Variants in CD38 observed in about 807,000 individuals in gnomAD.
CD38 encodes ADP-ribosyl cyclase/cyclic ADP-ribose hydrolase 1.
CD38 carries 31 observed loss-of-function variants against 36.3 expected under a neutral mutation model. That is an observed-to-expected ratio of 0.85 (90% CI 0.64 to 1.15). CD38 has a LOEUF of 1.15. Ranked by LOEUF, CD38 falls within the 50% of genes most tolerant of loss-of-function variation. CD38 has a pLI of 0.00. For synonymous variants in CD38, 131 were observed against 135.2 expected (o/e 0.97, Z 0.22); for missense variants, 380 against 371.9 (o/e 1.02, Z -0.18).
At chr4:15,791,164 G>A (rs1722975571) in intron 1 of CD38, among the ~76,000 whole-genome samples, 1 of 113,484 alleles carries the variant, frequency 8.8e-6, no homozygotes. Context: ...GCCCCGTCCG[G>A]GAGGGAGGTG....
intron 1 of CD38, among the ~76,000 whole-genome samples, chr4:15,790,129 C>CTT: frequency 4.7e-5 from 2 of 42,714 alleles, no homozygotes; most frequent in Non-Finnish European, 8.2e-5. Flanking sequence ...CTCCCTCTCC[C>CTT]TCTCCCTCTC....
intron 1 of CD38, among the ~76,000 whole-genome samples, chr4:15,785,143 T>G (rs1334213306): frequency 6.6e-6 from 1 of 152,014 alleles, no homozygotes; most frequent in Non-Finnish European, 1.5e-5. Context: ...GCCTGGGTGC[T>G]GCTATAGTTA....
chr4:15,809,852 C>T (rs1200432423), intron 1 of CD38, among the ~76,000 whole-genome samples: 2 of 152,174 alleles, frequency 1.3e-5, no homozygotes, highest in Admixed American at 6.5e-5. Context: ...TTGGAAAGAT[C>T]TGCCCCCATC....
At chr4:15,803,906 G>A (rs1359277988) in intron 1 of CD38, among the ~76,000 whole-genome samples, 1 of 152,104 alleles carries the variant, frequency 6.6e-6, no homozygotes, top group Non-Finnish European at 1.5e-5. Flanking sequence ...TGTAGTATTT[G>A]GTTTTCTGTT....
chr4:15,825,911 A>G (rs577899541), intron 3 of CD38: 1 of 152,164 alleles, frequency 6.6e-6, no homozygotes, highest in East Asian at 1.9e-4. Context: ...TCACCAGGGG[A>G]AGGGATTTCC....
intron 1 of CD38, among the ~76,000 whole-genome samples, chr4:15,799,610 A>G (rs921494250): frequency 3.3e-5 from 5 of 152,180 alleles, no homozygotes; most frequent in Admixed American, 6.5e-5. Context: ...GTGTGTATAT[A>G]TCACAATTTG....
intron 1 of CD38, among the ~76,000 whole-genome samples, chr4:15,810,414 A>T (rs1723443334): frequency 6.6e-6 from 1 of 152,172 alleles, no homozygotes; most frequent in African/African-American, 2.4e-5. Flanking sequence ...TTTGTCTGCA[A>T]AGATGCTGCT....
intron 1 of CD38, among the ~76,000 whole-genome samples, chr4:15,800,664 T>A (rs1723198606): frequency 6.6e-6 from 1 of 152,118 alleles, no homozygotes; most frequent in African/African-American, 2.4e-5. Flanking sequence ...TTAAGCAACA[T>A]ACTCCAGAAT....
intron 3 of CD38, among the ~76,000 whole-genome samples, chr4:15,827,027 G>A (rs1482561519): frequency 2.0e-5 from 3 of 152,088 alleles, no homozygotes; most frequent in African/African-American, 4.8e-5. Flanking sequence ...TAAGAGCTAC[G>A]ATGTATTAAG....
At position 15,791,883 on chromosome 4, in the gene CD38, G is replaced by A. The variant is rs1234839246; in HGVS notation, c.233+13236G>A. On this transcript the variant is annotated intron_variant, in intron 1 of 7. Coordinates refer to ENST00000226279, the MANE Select transcript of CD38 (RefSeq NM_001775.4). ...TGCCCGGCCGCCCCTACTGGGAAGT[G>A]AGGAGCCCCTCTGCCCGGCCAGGAC... is the stretch of plus-strand genomic sequence containing the variant. 6.0e-4 allele frequency among the ~76,000 whole-genome samples: 55 copies of A among 91,790 alleles called. 5 individuals carry two copies. The highest frequency in any genetic ancestry group is 8.3e-4 in the Non-Finnish European group (42 of 50,328). 60.2% of individuals were successfully genotyped at this position (91,790 alleles called of 152,430 possible).
rs547550920 is a variant in CD38 at position 15,841,008 on chromosome 4, C to T, written c.839+470C>T. ...GCCTAACACATGACAAGGCGTCACA[C>T]GGCAGTCTACCAAAATCTATATTTT... On this transcript the variant is annotated intron_variant, in intron 7 of 7. Transcript: ENST00000226279. 1.6e-4 allele frequency among the ~76,000 whole-genome samples: 25 copies of T among 151,744 alleles called. No individual in the cohort carries two copies. The East Asian group carries it at 2.3e-3, about 14-fold the overall frequency.
At chr4:15,832,743 TG>T (rs1256656710) in intron 3 of CD38, among the ~76,000 whole-genome samples, 2 of 152,140 alleles carry the variant, frequency 1.3e-5, no homozygotes, top group Non-Finnish European at 2.9e-5. Flanking sequence ...CATCTATATT[TG>T]CTCAAGGCTC....
chr4:15,820,155 G>T (rs143785467), intron 2 of CD38, among the ~76,000 whole-genome samples: 1 of 152,228 alleles, frequency 6.6e-6, no homozygotes, highest in African/African-American at 2.4e-5. Flanking sequence ...AAGGGAATTC[G>T]TCACCACCAG....
At chr4:15,820,204 T>C (rs1723702610) in intron 2 of CD38, among the ~76,000 whole-genome samples, 2 of 152,140 alleles carry the variant, frequency 1.3e-5, no homozygotes, top group Admixed American at 6.5e-5. Context: ...GCACTAAATA[T>C]GGAAAGGAAA....
At chr4:15,829,899 ATGT>A (rs1168719309) in intron 3 of CD38, among the ~76,000 whole-genome samples, 1 of 152,192 alleles carries the variant, frequency 6.6e-6, no homozygotes, top group Non-Finnish European at 1.5e-5. Context: ...AGTTCTATTC[ATGT>A]TGTTGCAAAT....
At position 15,850,327 on chromosome 4, in the gene CD38, CAT is replaced by C. The variant is rs1297134729; in HGVS notation, c.*1728_*1729del. On this transcript the variant is annotated 3_prime_UTR_variant, in exon 8 of 8. Coordinates refer to ENST00000226279, the MANE Select transcript of CD38 (RefSeq NM_001775.4). ...AAAAGCAAAAATAAAGAAAATAAAC[CAT>C]ATGTGTTGAACAAAGGATTAATAAA... is the stretch of plus-strand genomic sequence containing the variant. The C allele has an allele frequency of 6.6e-6, 1 of 152,082 alleles. No individual in the cohort carries two copies. The highest frequency in any genetic ancestry group is 1.5e-5 in the Non-Finnish European group (1 of 68,028). The allele number at this position is 152,082 out of a possible 1,614,324, so 9.4% of individuals were successfully genotyped here.
chr4:15,787,902 C>T (rs1179342754), intron 1 of CD38, among the ~76,000 whole-genome samples: 1 of 152,206 alleles, frequency 6.6e-6, no homozygotes, highest in Non-Finnish European at 1.5e-5. Flanking sequence ...AGGGAGCAGT[C>T]TCGCCAGAGG....
chr4:15,825,310 AG>A (rs1723824572), intron 3 of CD38: 1 of 347,914 alleles, frequency 2.9e-6, no homozygotes, highest in East Asian at 5.8e-5. Flanking sequence ...GAGAAGGGGA[AG>A]GGGAGCTGGC....
intron 4 of CD38, among the ~76,000 whole-genome samples, chr4:15,836,572 C>G (rs1724073897): frequency 6.6e-6 from 1 of 152,190 alleles, no homozygotes; most frequent in Non-Finnish European, 1.5e-5. Context: ...GGTGAAGAAA[C>G]TAAGACTCAG....
Sources: allele counts gnomAD v4.1 joint callset (sites outside exome capture counted in the v4.1 genomes callset), GRCh38; gene constraint gnomAD v4.1.1; transcripts MANE v1.5; gene names NCBI Gene and HGNC (gene_info 2026-07-23, HGNC 2026-07-21).